Variants in TAMM41 observed in about 807,000 individuals in gnomAD.
TAMM41 encodes phosphatidate cytidylyltransferase, mitochondrial.
Under a neutral mutation model 44.1 loss-of-function variants are expected in TAMM41, and 36 were observed. The observed-to-expected ratio is 0.82, with a 90% CI of 0.63 to 1.08. TAMM41 has a LOEUF of 1.08. Among genes scored for constraint, TAMM41 ranks in the 50% least tolerant of loss-of-function variants. The pLI is 0.00. For missense variants in TAMM41, 417 were observed against 404.3 expected (o/e 1.03, Z -0.27); for synonymous variants, 164 against 153.1 (o/e 1.07, Z -0.53).
chr3:11,760,994 G>A, the TAMM41 span, among the ~76,000 whole-genome samples: 5 of 151,726 alleles, frequency 3.3e-5, no homozygotes, highest in South Asian at 2.1e-4. Context: ...GTGAAACCCC[G>A]TCTCTACTAA....
chr3:11,745,471 A>C, the TAMM41 span, among the ~76,000 whole-genome samples: 1 of 152,254 alleles, frequency 6.6e-6, no homozygotes, highest in Admixed American at 6.5e-5. Context: ...TGATCTATGC[A>C]TACCACGGAA....
At chr3:11,795,256 A>G (rs193195447) in intron 7 of TAMM41, among the ~76,000 whole-genome samples, 1 of 152,308 alleles carries the variant, frequency 6.6e-6, no homozygotes, top group African/African-American at 2.4e-5. Context: ...CCACAAAGTC[A>G]GGTGGGAAAA....
the TAMM41 span, among the ~76,000 whole-genome samples, chr3:11,766,921 A>G: frequency 2.0e-5 from 3 of 152,132 alleles, no homozygotes; most frequent in East Asian, 5.8e-4. Flanking sequence ...GTAGATTCAC[A>G]TGCAGTTGTA....
At chr3:11,821,242 TA>T (rs1265120372) in intron 4 of TAMM41, among the ~76,000 whole-genome samples, 1 of 152,224 alleles carries the variant, frequency 6.6e-6, no homozygotes, top group Non-Finnish European at 1.5e-5. Flanking sequence ...CATTTGTTAT[TA>T]TTACATTGTA....
At chr3:11,786,381 C>G (rs186656531), downstream of TAMM41, among the ~76,000 whole-genome samples, 461 of 151,106 alleles carry the variant, frequency 3.1e-3, 4 homozygotes, top group African/African-American at 0.011. Flanking sequence ...CTTGGCTCAT[C>G]GCAACCTCCA....
intron 7 of TAMM41, among the ~76,000 whole-genome samples, chr3:11,795,794 C>T (rs577645122): frequency 3.3e-5 from 5 of 152,276 alleles, no homozygotes; most frequent in East Asian, 1.9e-4. Flanking sequence ...GGCTGCTGCT[C>T]GAATATGCAG....
the TAMM41 span, among the ~76,000 whole-genome samples, chr3:11,770,698 G>A: frequency 1.3e-5 from 2 of 152,164 alleles, no homozygotes; most frequent in African/African-American, 4.8e-5. Context: ...ATACCAGGAA[G>A]GTGTGTTGGG....
chr3:11,782,936 G>T, the TAMM41 span, among the ~76,000 whole-genome samples: 2 of 152,174 alleles, frequency 1.3e-5, no homozygotes, highest in African/African-American at 4.8e-5. Flanking sequence ...GAGGGACAGG[G>T]CTCAGGTAGG....
At chr3:11,813,179 TAGA>T (rs1575641739) in intron 5 of TAMM41, among the ~76,000 whole-genome samples, 2 of 152,186 alleles carry the variant, frequency 1.3e-5, no homozygotes, top group African/African-American at 4.8e-5. Flanking sequence ...AGCCAGAGAA[TAGA>T]AGATCTCTGG....
the TAMM41 span, among the ~76,000 whole-genome samples, chr3:11,741,597 C>T: frequency 6.7e-6 from 1 of 150,224 alleles, no homozygotes; most frequent in Non-Finnish European, 1.5e-5. Context: ...ATAACTTTTG[C>T]GGTTTGAAGT....
intron 5 of TAMM41, among the ~76,000 whole-genome samples, chr3:11,810,621 G>C (rs1045769378): frequency 3.9e-5 from 6 of 152,086 alleles, no homozygotes; most frequent in African/African-American, 1.5e-4. Flanking sequence ...CAAATATTTA[G>C]GTTTTAACTT....
the TAMM41 span, among the ~76,000 whole-genome samples, chr3:11,764,978 G>T: frequency 3.3e-5 from 5 of 152,268 alleles, no homozygotes; most frequent in East Asian, 9.6e-4. Context: ...TGTATAAAAT[G>T]CTTTGTGACT....
chr3:11,813,445 G>A lies in TAMM41; in HGVS notation c.708+3747C>T, dbSNP rs191697250. Among the ~76,000 whole-genome samples, 12 of 152,210 alleles carry A rather than the reference G, an allele frequency of 7.9e-5. No individual in the cohort carries two copies. In the East Asian group the frequency reaches 2.1e-3, roughly 27 times the overall value. On this transcript the variant is annotated intron_variant, in intron 5 of 7. Coordinates refer to ENST00000455809, the MANE Select transcript of TAMM41 (RefSeq NM_001284401.2). Reference sequence around the variant, plus strand: ...TTTGGGAGGCTGAGGCACAAGAATCGCTTGAACTTGGGAGGCGGAGGTTGC... The same window carrying A: ...TTTGGGAGGCTGAGGCACAAGAATCACTTGAACTTGGGAGGCGGAGGTTGC...
intron 4 of TAMM41, among the ~76,000 whole-genome samples, chr3:11,821,836 G>A (rs2078534579): frequency 6.6e-6 from 1 of 152,084 alleles, no homozygotes; most frequent in African/African-American, 2.4e-5. Context: ...GATCCAGGTT[G>A]GGCAACCCTA....
chr3:11,735,874 G>A, the TAMM41 span, among the ~76,000 whole-genome samples: 23 of 152,218 alleles, frequency 1.5e-4, no homozygotes, highest in Non-Finnish European at 1.5e-5. Flanking sequence ...AGGTAGGGGA[G>A]TACCCAGCAT....
chr3:11,734,482 C>T, the TAMM41 span, among the ~76,000 whole-genome samples: 3 of 152,154 alleles, frequency 2.0e-5, no homozygotes, highest in Non-Finnish European at 4.4e-5. Flanking sequence ...GCTCCTCTTA[C>T]AGTCATATGG....
intron 3 of TAMM41, 30 bp from the exon 4 acceptor site, chr3:11,829,894 A>T: frequency 6.2e-7 from 1 of 1,610,234 alleles, no homozygotes; most frequent in African/African-American, 1.3e-5. Flanking sequence ...GGGAAGAAAA[A>T]TTCCAGAAGT....
chr3:11,833,551 G>C (rs1300753632), intron 3 of TAMM41, among the ~76,000 whole-genome samples: 1 of 152,190 alleles, frequency 6.6e-6, no homozygotes, highest in Non-Finnish European at 1.5e-5. Flanking sequence ...CTGAACATTA[G>C]AGCTGGATGA....
At chr3:11,751,358 C>G in the TAMM41 span, among the ~76,000 whole-genome samples, 67 of 152,264 alleles carry the variant, frequency 4.4e-4, no homozygotes, top group African/African-American at 1.6e-3. Context: ...CCCCAAAGAG[C>G]TGGGATTACA....
Sources: allele counts gnomAD v4.1 joint callset (sites outside exome capture counted in the v4.1 genomes callset), GRCh38; gene constraint gnomAD v4.1.1; transcripts MANE v1.5; gene names NCBI Gene and HGNC (gene_info 2026-07-23, HGNC 2026-07-21).